CALN1: variants seen among roughly 807,000 people sequenced by gnomAD.
The protein encoded by CALN1 is calneuron 1, also known as calcium-binding protein 8.
CALN1 carries 17 observed loss-of-function variants against 30.6 expected under a neutral mutation model. The observed-to-expected ratio is 0.56, with a 90% CI of 0.38 to 0.83. The LOEUF is 0.83. Among genes scored for constraint, CALN1 ranks in the 40% least tolerant of loss-of-function variants. CALN1 has a pLI of 0.00. For missense variants in CALN1, 291 were observed against 354.9 expected (o/e 0.82, Z 1.45); for synonymous variants, 156 against 131.4 (o/e 1.19, Z -1.28).
chr7:72,416,778 C>G (rs1807436949), upstream of CALN1, among the ~76,000 whole-genome samples: 5 of 149,790 alleles, frequency 3.3e-5, no homozygotes, highest in South Asian at 8.6e-4. Flanking sequence ...ACAAAAAGAA[C>G]CTTCCCGGGC....
At chr7:72,340,009 G>C (rs1802308173) in intron 2 of CALN1, among the ~76,000 whole-genome samples, 1 of 152,114 alleles carries the variant, frequency 6.6e-6, no homozygotes, top group Non-Finnish European at 1.5e-5. Context: ...TCCTTCAGTT[G>C]TTTTTCAGAA....
At chr7:72,059,751 T>G (rs1184394954) in intron 4 of CALN1, among the ~76,000 whole-genome samples, 1 of 152,104 alleles carries the variant, frequency 6.6e-6, no homozygotes, top group Non-Finnish European at 1.5e-5. Context: ...ATAACTTAGT[T>G]ATAGTGACCT....
chr7:72,233,685 C>A (rs992953865), intron 3 of CALN1, among the ~76,000 whole-genome samples: 1 of 152,178 alleles, frequency 6.6e-6, no homozygotes, highest in Admixed American at 6.5e-5. Flanking sequence ...CACCACTGGG[C>A]AACAGAGCAA....
intron 6 of CALN1, among the ~76,000 whole-genome samples, chr7:71,805,780 C>T (rs560239408): frequency 6.6e-6 from 1 of 152,170 alleles, no homozygotes; most frequent in East Asian, 1.9e-4. Context: ...TGGGAATATA[C>T]CTAGCAATGT....
In CALN1 at chr7:72,168,799, A is replaced by AT. The variant is rs200219491; in HGVS notation, c.245-62506dup. Among the ~76,000 whole-genome samples, 1,114 of 112,108 alleles carry AT rather than the reference A, an allele frequency of 9.9e-3. 20 individuals are homozygous for AT. Among genetic ancestry groups the AT allele is most frequent in the African/African-American group, 0.015 (392 of 25,370 alleles). The allele number at this position is 112,108 out of a possible 152,430, so 73.5% of individuals were successfully genotyped here. On this transcript the variant is annotated intron_variant, in intron 3 of 6. Transcript: ENST00000395275. ...TCAAGGATGCCTGCTTATTATTATTATTATTATTTTTTTTTTTTTTTTTGA... is the reference window on the plus strand; with the variant it reads ...TCAAGGATGCCTGCTTATTATTATTATTTATTATTTTTTTTTTTTTTTTTGA...
chr7:72,005,190 A>C (rs1248838901), intron 5 of CALN1, among the ~76,000 whole-genome samples: 1 of 152,196 alleles, frequency 6.6e-6, no homozygotes, highest in Non-Finnish European at 1.5e-5. Flanking sequence ...CTGCATACAA[A>C]TGGTCGCAGC....
chr7:72,347,371 A>G (rs940070659), intron 2 of CALN1, among the ~76,000 whole-genome samples: 4 of 151,648 alleles, frequency 2.6e-5, no homozygotes, highest in African/African-American at 9.7e-5. Context: ...GGTTCAAGCG[A>G]TTCTCCTGCC....
chr7:72,127,565 T>C (rs567598883), intron 3 of CALN1, among the ~76,000 whole-genome samples: 1 of 152,132 alleles, frequency 6.6e-6, no homozygotes, highest in Admixed American at 6.5e-5. Context: ...GGAAAAGTGG[T>C]CAACGTATAT....
At chr7:71,805,260 A>G (rs6955633) in intron 6 of CALN1, among the ~76,000 whole-genome samples, 32,675 of 151,956 alleles carry the variant, frequency 0.22, 5,552 homozygotes, top group East Asian at 0.6. Context: ...TGGTGTGATT[A>G]CCTGTTTGCT....
At chr7:71,866,151 A>G (rs1791574725) in intron 5 of CALN1, among the ~76,000 whole-genome samples, 1 of 151,828 alleles carries the variant, frequency 6.6e-6, no homozygotes, top group Non-Finnish European at 1.5e-5. Context: ...GACTGCAGGC[A>G]CGTGCCACCA....
At position 71,936,399 on chromosome 7, in the gene CALN1, C is replaced by CAA. The variant is rs745646988; in HGVS notation, c.501+87256_501+87257dup. Among the ~76,000 whole-genome samples the CAA allele has an allele frequency of 3.2e-3, 242 of 74,496 alleles. 4 individuals carry two copies. The highest frequency in any genetic ancestry group is 9.4e-3 in the Admixed American group (60 of 6,358). 48.9% of individuals were successfully genotyped at this position (74,496 alleles called of 152,430 possible). On this transcript the variant is annotated intron_variant, in intron 5 of 6. Coordinates refer to ENST00000395275, the MANE Select transcript of CALN1 (RefSeq NM_031468.4). Reference sequence around the variant, plus strand: ...TGGGCGACTGAGCGAGACTCAGTCTCAAAAAAAAAAAAAAAAAAAAAGATG... The same window carrying CAA: ...TGGGCGACTGAGCGAGACTCAGTCTCAAAAAAAAAAAAAAAAAAAAAAAGATG...
intron 6 of CALN1, among the ~76,000 whole-genome samples, chr7:71,798,374 G>C (rs1787090229): frequency 6.6e-6 from 1 of 152,004 alleles, no homozygotes; most frequent in African/African-American, 2.4e-5. Flanking sequence ...CAGAGCAGTG[G>C]TATGATCATA....
At chr7:71,824,140 C>A (rs1179646637) in intron 5 of CALN1, among the ~76,000 whole-genome samples, 1 of 152,122 alleles carries the variant, frequency 6.6e-6, no homozygotes, top group African/African-American at 2.4e-5. Context: ...CTCAAGCAAT[C>A]CTCCTGCCCA....
intron 3 of CALN1, among the ~76,000 whole-genome samples, chr7:72,163,345 C>T (rs1264460064): frequency 1.5e-5 from 2 of 134,042 alleles, no homozygotes; most frequent in Non-Finnish European, 3.2e-5. Context: ...AGATTCTTTA[C>T]AAGGCATTAT....
Position 71,841,653 on chromosome 7 carries a change from G to A in CALN1, c.502-31161C>T, listed in dbSNP as rs577879206. On this transcript the variant is annotated intron_variant, in intron 5 of 6. Transcript: ENST00000395275. ...AAAGAAAATGTGGTAGATATACACT[G>A]TGGAATACTATGCAGCCATAGAAAG... 3.9e-5 allele frequency among the ~76,000 whole-genome samples: 6 copies of A among 152,288 alleles called. No homozygotes were observed. The East Asian group carries it at 7.7e-4, about 20-fold the overall frequency.
chr7:72,320,951 C>T (rs943705954), intron 2 of CALN1, among the ~76,000 whole-genome samples: 1 of 151,918 alleles, frequency 6.6e-6, no homozygotes, highest in African/African-American at 2.4e-5. Context: ...TGACTTTCAG[C>T]CAGGTATTTA....
chr7:72,024,773 A>G (rs1438916623), intron 4 of CALN1, among the ~76,000 whole-genome samples: 2 of 151,168 alleles, frequency 1.3e-5, no homozygotes, highest in Non-Finnish European at 2.9e-5. Context: ...CTTTTGCATC[A>G]ATTTGTCCCC....
intron 5 of CALN1, among the ~76,000 whole-genome samples, chr7:71,912,658 C>T (rs78947242): frequency 1.7e-3 from 261 of 152,230 alleles, no homozygotes; most frequent in Non-Finnish European, 3.1e-3. Context: ...CAGTAGAGAG[C>T]GAACCCAGGA....
intron 5 of CALN1, among the ~76,000 whole-genome samples, chr7:71,978,677 T>G (rs1358231813): frequency 2.0e-5 from 3 of 152,180 alleles, no homozygotes; most frequent in African/African-American, 7.2e-5. Flanking sequence ...TGCCTGGTCC[T>G]ATTACTTCCC....
Sources: allele counts gnomAD v4.1 joint callset (sites outside exome capture counted in the v4.1 genomes callset), GRCh38; gene constraint gnomAD v4.1.1; transcripts MANE v1.5; gene names NCBI Gene and HGNC (gene_info 2026-07-23, HGNC 2026-07-21).